USO1: variants seen among roughly 807,000 people sequenced by gnomAD.
The protein encoded by USO1 is USO1 vesicle transport factor.
Under a neutral mutation model 124.5 loss-of-function variants are expected in USO1, and 57 were observed. The ratio of observed to expected loss-of-function variants is 0.46; its 90% CI spans 0.37 to 0.57. The LOEUF is 0.57. Ranked by LOEUF, USO1 falls within the 20% of genes least tolerant of loss-of-function variation. The pLI is 0.00. For missense variants in USO1, 900 were observed against 1,040.6 expected, an observed-to-expected ratio of 0.86 and a Z score of 1.86; for synonymous variants, 369 against 362.8, an observed-to-expected ratio of 1.02 and a Z score of -0.19.
rs573933296 is a variant in USO1, at chr4:75,814,123, G to A, written c.*828G>A. The A allele has an allele frequency of 1.4e-4, 22 of 152,244 alleles. No homozygotes were observed. The highest frequency in any genetic ancestry group is 4.8e-4 in the African/African-American group (20 of 41,536). 9.4% of individuals were successfully genotyped at this position (152,244 alleles called of 1,614,324 possible). ...AATTTATTGGCATTTTTGCTGAATA[G>A]GTTTAAGTCAGATAATAGATTTTAA... On this transcript the variant is annotated 3_prime_UTR_variant, in exon 24 of 24. Transcript: ENST00000514213.
At position 75,743,529 on chromosome 4, in the gene USO1, A is replaced by T. The variant is rs114089266; in HGVS notation, c.67-8844A>T. On this transcript the variant is annotated intron_variant, in intron 1 of 23. Transcript: ENST00000514213. ...TTCTGTGTTTGTCTTACTTGTTTTT[A>T]ATATATTCTGTCTCTTTGCCATTAT... 7.2e-3 allele frequency among the ~76,000 whole-genome samples: 1,102 copies of T among 152,028 alleles called. 13 individuals are homozygous for T. Among genetic ancestry groups the T allele is most frequent in the African/African-American group, 0.026 (1,061 of 41,468 alleles).
intron 22 of USO1, among the ~76,000 whole-genome samples, chr4:75,811,168 TGAGA>T (rs1052461190): frequency 1.3e-5 from 2 of 151,982 alleles, no homozygotes; most frequent in Admixed American, 6.5e-5. Context: ...TTTTTTTTTT[TGAGA>T]GAGAGTCTCA....
intron 7 of USO1, among the ~76,000 whole-genome samples, chr4:75,773,962 T>C (rs1722003732): frequency 6.6e-6 from 1 of 152,182 alleles, no homozygotes; most frequent in South Asian, 2.1e-4. Flanking sequence ...ATGCTATTAT[T>C]TAATACTTAG....
At chr4:75,754,359 A>C (rs1033424137) in intron 3 of USO1, among the ~76,000 whole-genome samples, 6 of 152,216 alleles carry the variant, frequency 3.9e-5, no homozygotes, top group Non-Finnish European at 8.8e-5. Context: ...CTGGGATTAC[A>C]GGTGTGAGCC....
At chr4:75,769,532 G>C (rs891258535) in intron 4 of USO1, among the ~76,000 whole-genome samples, 1 of 152,018 alleles carries the variant, frequency 6.6e-6, no homozygotes, top group Non-Finnish European at 1.5e-5. Context: ...GTTTGATCTT[G>C]ACTTTCAGCT....
Position 75,724,864 on chromosome 4 carries a change from C to G in USO1, c.45C>G (p.Pro15=). 6.2e-7 allele frequency: 1 copy of G among 1,613,708 alleles called. No homozygotes were observed. The highest frequency in any genetic ancestry group is 8.5e-7 in the Non-Finnish European group (1 of 1,179,760). Residue 15 remains proline (P), a synonymous_variant, in exon 1 of 24, where the codon CCC becomes CCG. Coordinates refer to ENST00000514213, the MANE Select transcript of USO1 (RefSeq NM_003715.4). ...TAATGGGGGGTCAGAGTGCCGGACC[C>G]CAGCACACAGAAGCCGAGACGGTGA... The part of the protein sequence containing the change: ...RGVMGGQSAG[P]QHTEAETIQK...
rs116386875 is a variant in USO1 at position 75,724,651 on chromosome 4, G to T, written c.-169G>T. 9 of 622,276 alleles carry T rather than the reference G, an allele frequency of 1.4e-5. No individual in the cohort carries two copies. The highest frequency in any genetic ancestry group is 3.2e-5 in the Admixed American group (1 of 30,928). 38.5% of individuals were successfully genotyped at this position (622,276 alleles called of 1,614,324 possible). ...CATGCGCATCTTGGCCGCTGCTGGC[G>T]GCTGTTTCCGGGCTTAGAGGGCTGG... On this transcript the variant is annotated 5_prime_UTR_variant, in exon 1 of 24. Transcript: ENST00000514213.
chr4:75,758,377 A>G (rs935362543), intron 4 of USO1, among the ~76,000 whole-genome samples: 4 of 152,218 alleles, frequency 2.6e-5, no homozygotes, highest in African/African-American at 9.6e-5. Context: ...AATCTAATTT[A>G]GACTGAAGTT....
intron 10 of USO1, among the ~76,000 whole-genome samples, chr4:75,787,581 A>C (rs1192420054): frequency 6.6e-6 from 1 of 152,208 alleles, no homozygotes; most frequent in East Asian, 1.9e-4. Flanking sequence ...AATGTGTGGC[A>C]TTCTCTGTTG....
Position 75,813,283 on chromosome 4 carries a change from A to G in USO1, c.2877A>G (p.Leu959=), listed in dbSNP as rs777870877. The G allele has an allele frequency of 7.5e-6, 12 of 1,602,152 alleles. 1 individual carries two copies. Among genetic ancestry groups the G allele is most frequent in the Non-Finnish European group, 8.5e-6 (10 of 1,176,368 alleles). Residue 959 remains leucine, a synonymous_variant, in exon 24 of 24, where the codon CTA becomes CTG. Coordinates refer to ENST00000514213, the MANE Select transcript of USO1 (RefSeq NM_003715.4). ...DDESEDPGKD[L]DHI is the part of the protein sequence containing the mutation. ...AAAGTGAAGATCCTGGCAAGGATCT[A>G]GATCATATCTAGTTTTCAAATCTCT...
rs138069036 is a variant in USO1, at chr4:75,785,204, G to A, written c.856-1858G>A. ...TTTCCTGTTGGGACATACACATTCTGTGTTGGAACTATTCATCATCACAGT... is the reference window on the plus strand; with the variant it reads ...TTTCCTGTTGGGACATACACATTCTATGTTGGAACTATTCATCATCACAGT... On this transcript the variant is annotated intron_variant, in intron 9 of 23. Coordinates refer to ENST00000514213, the MANE Select transcript of USO1 (RefSeq NM_003715.4). Among the ~76,000 whole-genome samples the A allele has an allele frequency of 3.7e-3, 562 of 152,260 alleles. 6 individuals carry two copies. Among genetic ancestry groups the A allele is most frequent in the African/African-American group, 0.012 (516 of 41,568 alleles).
chr4:75,726,909 C>T (rs1235067101), intron 1 of USO1, among the ~76,000 whole-genome samples: 1 of 152,116 alleles, frequency 6.6e-6, no homozygotes, highest in African/African-American at 2.4e-5. Flanking sequence ...CTTTCCACCC[C>T]TGATTGGATT....
rs55928639 is a variant in USO1, at chr4:75,734,718, C to CTTTTTTTT, written c.66+9854_66+9861dup. On this transcript the variant is annotated intron_variant, in intron 1 of 23. Transcript: ENST00000514213. Reference sequence around the variant, plus strand: ...CTGTAGATTGCTTTGGGCAGTATGGCTTTTTTTTTTTTTTTTTTTTTTTTT... The same window carrying CTTTTTTTT: ...CTGTAGATTGCTTTGGGCAGTATGGCTTTTTTTTTTTTTTTTTTTTTTTTTTTTTTTTT... Among the ~76,000 whole-genome samples, 265 of 47,458 alleles carry CTTTTTTTT rather than the reference C, an allele frequency of 5.6e-3. 88 individuals are homozygous for CTTTTTTTT. Among genetic ancestry groups the CTTTTTTTT allele is most frequent in the South Asian group, 7.9e-3 (6 of 760 alleles). The allele number at this position is 47,458 out of a possible 152,430, so 31.1% of individuals were successfully genotyped here. A position where few individuals can be genotyped will look rare whatever the true frequency, so the allele number is the denominator to read the frequency against.
At chr4:75,769,497 A>G (rs930171693) in intron 4 of USO1, among the ~76,000 whole-genome samples, 3 of 152,050 alleles carry the variant, frequency 2.0e-5, no homozygotes, top group Non-Finnish European at 2.9e-5. Context: ...TCACATTTAG[A>G]AAAGAATTTT....
intron 21 of USO1, 145 bp downstream of exon 21, chr4:75,809,196 T>C: frequency 1.0e-6 from 1 of 973,768 alleles, no homozygotes; most frequent in Non-Finnish European, 1.5e-6. Flanking sequence ...TAACATAGGC[T>C]TCATGTTCAT....
At chr4:75,772,625 G>A (rs2149168954) in intron 7 of USO1, among the ~76,000 whole-genome samples, 1 of 151,924 alleles carries the variant, frequency 6.6e-6, no homozygotes, top group Non-Finnish European at 1.5e-5. Context: ...AGAAATTTGG[G>A]GTATCTTTCC....
rs1723221224 is a variant in USO1 at position 75,813,956 on chromosome 4, G to A, written c.*661G>A. ...AACTTTTGCAACAGTGTATTAATGTGATTGGTTTTCTTTTTGTTTTAAGCT... is the reference window on the plus strand; with the variant it reads ...AACTTTTGCAACAGTGTATTAATGTAATTGGTTTTCTTTTTGTTTTAAGCT... On this transcript the variant is annotated 3_prime_UTR_variant, in exon 24 of 24. Coordinates refer to ENST00000514213, the MANE Select transcript of USO1 (RefSeq NM_003715.4). 6.6e-6 allele frequency: 1 copy of A among 152,204 alleles called. No homozygotes were observed. Among genetic ancestry groups the A allele is most frequent in the African/African-American group, 2.4e-5 (1 of 41,454 alleles). 9.4% of individuals were successfully genotyped at this position (152,204 alleles called of 1,614,324 possible).
rs2047990 is a variant in USO1 at position 75,811,415 on chromosome 4, C to A, written c.2584-745C>A. ...AGGTGATCTGCCCGCATTGGCCCCC[C>A]CCAAAGTGCTGGGATTACAGGCGTG... On this transcript the variant is annotated intron_variant, in intron 22 of 23. Coordinates refer to ENST00000514213, the MANE Select transcript of USO1 (RefSeq NM_003715.4). 6.2e-3 allele frequency among the ~76,000 whole-genome samples: 942 copies of A among 152,240 alleles called. 15 individuals carry two copies. Among genetic ancestry groups the A allele is most frequent in the African/African-American group, 0.021 (890 of 41,546 alleles).
intron 1 of USO1, among the ~76,000 whole-genome samples, chr4:75,743,975 A>G (rs1039069817): frequency 4.6e-5 from 7 of 151,996 alleles, no homozygotes; most frequent in African/African-American, 1.7e-4. Context: ...ATGGGGTTTC[A>G]CCGTGTTAGC....
Sources: allele counts gnomAD v4.1 joint callset (sites outside exome capture counted in the v4.1 genomes callset), GRCh38; gene constraint gnomAD v4.1.1; transcripts MANE v1.5; gene names NCBI Gene and HGNC (gene_info 2026-07-23, HGNC 2026-07-21).